RANBP17: variants seen among roughly 807,000 people sequenced by gnomAD.
RANBP17 encodes RAN binding protein 17.
RANBP17 carries 158 observed loss-of-function variants against 141.2 expected under a neutral mutation model. That is an observed-to-expected ratio of 1.12 (90% CI 0.98 to 1.28). RANBP17 has a LOEUF of 1.28. RANBP17 is among the 50% of genes most tolerant of loss of function. The pLI is 0.00. For missense variants in RANBP17, 1,438 were observed against 1,290.7 expected (o/e 1.11, Z -1.75); for synonymous variants, 430 against 450.0 (o/e 0.96, Z 0.56).
At chr5:171,177,933 A>G (rs1357255957) in intron 16 of RANBP17, among the ~76,000 whole-genome samples, 2 of 152,048 alleles carry the variant, frequency 1.3e-5, no homozygotes, top group Admixed American at 1.3e-4. Context: ...TTGAGTGATT[A>G]TGACTTAACT....
chr5:170,955,051 C>T (rs1775510059), intron 13 of RANBP17, among the ~76,000 whole-genome samples: 1 of 152,084 alleles, frequency 6.6e-6, no homozygotes, highest in Non-Finnish European at 1.5e-5. Context: ...TTGCATGCTC[C>T]TTACGGGAAT....
chr5:170,925,853 C>T (rs1389232530), intron 12 of RANBP17, among the ~76,000 whole-genome samples: 5 of 152,160 alleles, frequency 3.3e-5, no homozygotes, highest in Admixed American at 6.6e-5. Context: ...TATGACAGCT[C>T]ATACTGATGC....
intron 14 of RANBP17, among the ~76,000 whole-genome samples, chr5:171,167,691 A>G (rs868159856): frequency 3.2e-4 from 48 of 152,268 alleles, no homozygotes; most frequent in African/African-American, 1.1e-3. Context: ...AAGGGCACAC[A>G]GTCTCTGGCC....
At chr5:171,132,329 C>T (rs1379091432) in intron 14 of RANBP17, among the ~76,000 whole-genome samples, 3 of 149,844 alleles carry the variant, frequency 2.0e-5, no homozygotes, top group Admixed American at 6.6e-5. Context: ...GGAAGGAAGG[C>T]TGGCTTAAAT....
chr5:171,021,131 G>A (rs867618385), intron 14 of RANBP17, among the ~76,000 whole-genome samples: 5 of 152,320 alleles, frequency 3.3e-5, no homozygotes, highest in Middle Eastern at 3.4e-3. Flanking sequence ...GGTTTCTGCA[G>A]AGAGATTCGC....
intron 22 of RANBP17, among the ~76,000 whole-genome samples, chr5:171,237,927 A>G (rs540897439): frequency 2.0e-5 from 3 of 152,306 alleles, no homozygotes; most frequent in African/African-American, 7.2e-5. Flanking sequence ...TCTAACTCCT[A>G]GATTTTCAGC....
At position 171,221,956 on chromosome 5, in the gene RANBP17, C is replaced by T. The variant is rs986128438; in HGVS notation, c.2422+116C>T. ...TCATATCTTTATGAATTTGTGAAGT[C>T]GGTAATACAAGTGCAAAAAGCCAGT... On this transcript the variant is annotated intron_variant, in intron 22 of 27. Coordinates refer to ENST00000523189, the MANE Select transcript of RANBP17 (RefSeq NM_022897.5). 2.9e-5 allele frequency: 20 copies of T among 696,306 alleles called. 1 individual carries two copies. The South Asian group carries it at 2.9e-4, about 10-fold the overall frequency. 43.1% of individuals were successfully genotyped at this position (696,306 alleles called of 1,614,324 possible). A position where few individuals can be genotyped will look rare whatever the true frequency, so the allele number is the denominator to read the frequency against.
At chr5:171,111,468 C>T (rs1234571696) in intron 14 of RANBP17, among the ~76,000 whole-genome samples, 1 of 152,136 alleles carries the variant, frequency 6.6e-6, no homozygotes, top group African/African-American at 2.4e-5. Flanking sequence ...TAATGGGTTC[C>T]CCTAATTCTA....
intron 24 of RANBP17, among the ~76,000 whole-genome samples, chr5:171,243,955 A>C (rs1472016085): frequency 6.6e-6 from 1 of 151,970 alleles, no homozygotes; most frequent in Non-Finnish European, 1.5e-5. Flanking sequence ...GTGGGCGCAT[A>C]TAATCCCAAC....
chr5:171,191,105 A>C (rs1293461226), intron 18 of RANBP17, among the ~76,000 whole-genome samples: 1 of 152,204 alleles, frequency 6.6e-6, no homozygotes, highest in African/African-American at 2.4e-5. Flanking sequence ...GTAGCACAGT[A>C]TCCATATACT....
At chr5:171,210,966 C>A (rs1197253581) in intron 20 of RANBP17, among the ~76,000 whole-genome samples, 1 of 147,548 alleles carries the variant, frequency 6.8e-6, no homozygotes, top group African/African-American at 2.5e-5. Context: ...GATTGCGCCA[C>A]TGCACCCCAG....
At chr5:170,903,697 CTT>C (rs1417610703) in intron 5 of RANBP17, 1 of 308,120 alleles carries the variant, frequency 3.2e-6, no homozygotes, top group Non-Finnish European at 6.7e-6. Context: ...CATTGACAGT[CTT>C]TATTTGACAT....
intron 14 of RANBP17, chr5:170,970,555 A>G (rs1459101721): frequency 2.6e-5 from 4 of 152,120 alleles, no homozygotes; most frequent in Admixed American, 2.0e-4. Flanking sequence ...TCCCCTGCTT[A>G]ATTATGCCTA....
intron 19 of RANBP17, among the ~76,000 whole-genome samples, chr5:171,203,628 A>G (rs1762421933): frequency 6.6e-6 from 1 of 152,142 alleles, no homozygotes; most frequent in South Asian, 2.1e-4. Context: ...TTTGAGTCCT[A>G]TAGACCACTT....
At chr5:170,900,828 G>A (rs1770575259) in intron 5 of RANBP17, among the ~76,000 whole-genome samples, 1 of 152,200 alleles carries the variant, frequency 6.6e-6, no homozygotes, top group African/African-American at 2.4e-5. Context: ...GCAGTTTTGA[G>A]TGAGTTTCTT....
intron 14 of RANBP17, among the ~76,000 whole-genome samples, chr5:171,082,425 A>C (rs1055243175): frequency 1.3e-5 from 2 of 152,174 alleles, no homozygotes; most frequent in Non-Finnish European, 2.9e-5. Context: ...GAAACATTTC[A>C]ACTTGTGATG....
At chr5:171,171,626 AAAAG>A (rs1301876184) in intron 16 of RANBP17, among the ~76,000 whole-genome samples, 2 of 151,972 alleles carry the variant, frequency 1.3e-5, no homozygotes, top group African/African-American at 4.8e-5. Flanking sequence ...TTCGTGTCCT[AAAAG>A]AAAGTATGTA....
chr5:171,275,775 G>GT (rs1767447728), intron 25 of RANBP17, among the ~76,000 whole-genome samples: 1 of 152,044 alleles, frequency 6.6e-6, no homozygotes. Flanking sequence ...GGAGCAGAGG[G>GT]TTTTTTTGTT....
At chr5:171,036,964 AT>A (rs1781921767) in intron 14 of RANBP17, among the ~76,000 whole-genome samples, 1 of 152,084 alleles carries the variant, frequency 6.6e-6, no homozygotes, top group Non-Finnish European at 1.5e-5. Context: ...CAGTAATAGG[AT>A]TGCTGGGCCA....
Sources: gnomAD v4.1 joint callset for allele counts (sites outside exome capture counted in the v4.1 genomes callset) on GRCh38, gnomAD v4.1.1 for gene constraint, MANE v1.5 for transcripts, NCBI Gene and HGNC (gene_info 2026-07-23, HGNC 2026-07-21) for gene names.